The following HDAC9 variants were observed in gnomAD, a reference collection of about 807,000 sequenced individuals.
The protein encoded by HDAC9 is histone deacetylase 9.
Under a neutral mutation model 139.4 loss-of-function variants are expected in HDAC9, and 41 were observed. That is an observed-to-expected ratio of 0.29 (90% CI 0.23 to 0.38). The LOEUF (loss-of-function observed/expected upper bound fraction) is 0.38, where lower values mean the gene tolerates loss of function less well. Among genes scored for constraint, HDAC9 ranks in the 10% least tolerant of loss-of-function variants. The pLI is 1.00. For missense variants in HDAC9, 1,147 were observed against 1,297.0 expected (o/e 0.88, Z 1.78); for synonymous variants, 517 against 476.2 (o/e 1.09, Z -1.12).
intron 1 of HDAC9, among the ~76,000 whole-genome samples, chr7:18,487,098 T>C (rs1586235570): frequency 1.3e-5 from 2 of 151,992 alleles, no homozygotes; most frequent in African/African-American, 4.8e-5. Flanking sequence ...GACTTTTATA[T>C]TGGATATAAG....
Position 18,733,159 on chromosome 7 carries a change from G to A in HDAC9, c.1909+5402G>A, listed in dbSNP as rs546852904. On this transcript the variant is annotated intron_variant, in intron 13 of 25. Coordinates refer to ENST00000686413, the MANE Select transcript of HDAC9 (RefSeq NM_178425.4). ...TACACATGTATACACATATATACAC[G>A]TGTATACACATGTATATATGTGTCT... is the stretch of plus-strand genomic sequence containing the variant. 1.8e-4 allele frequency among the ~76,000 whole-genome samples: 26 copies of A among 145,244 alleles called. 1 individual carries two copies. Among genetic ancestry groups the A allele is most frequent in the Non-Finnish European group, 3.6e-4 (24 of 66,130 alleles).
At chr7:18,095,440 T>C (rs959376185) in intron 1 of HDAC9, among the ~76,000 whole-genome samples, 5 of 152,224 alleles carry the variant, frequency 3.3e-5, no homozygotes, top group African/African-American at 1.2e-4. Flanking sequence ...ATATTTAATA[T>C]ACAGGAGGAT....
intron 1 of HDAC9, among the ~76,000 whole-genome samples, chr7:18,484,634 T>A (rs1795833254): frequency 6.6e-6 from 1 of 152,176 alleles, no homozygotes; most frequent in Admixed American, 6.5e-5. Context: ...TCCTAGATTT[T>A]AGTTTCGTTT....
At position 18,829,510 on chromosome 7, in the gene HDAC9, G is replaced by A. The variant is rs760911599; in HGVS notation, c.2428G>A (p.Asp810Asn). Reference protein sequence around the residue: ...SVAITAKYLRDQLNISKILIV... With the variant: ...SVAITAKYLRNQLNISKILIV... The stretch of plus-strand genomic sequence containing the variant: ...TGCAATTACCGCCAAATACTTGAGA[G>A]ACCAACTAAATATAAGCAAGATATT... Residue 810 changes from aspartate to asparagine, a missense_variant, in exon 19 of 26, where the codon GAC becomes AAC. Physicochemically the swap from Asp to Asn is conservative, Grantham distance 23 (BLOSUM62 1). Transcript: ENST00000686413. 2 of 1,612,216 alleles carry A rather than the reference G, an allele frequency of 1.2e-6. No individual in the cohort carries two copies. Among genetic ancestry groups the A allele is most frequent in the South Asian group, 2.2e-5 (2 of 90,974 alleles).
chr7:18,594,877 T>C (rs778773997), intron 6 of HDAC9, among the ~76,000 whole-genome samples: 5 of 152,088 alleles, frequency 3.3e-5, no homozygotes, highest in Admixed American at 2.6e-4. Flanking sequence ...TGAAAAGATA[T>C]TCATGTAAGA....
intron 2 of HDAC9, among the ~76,000 whole-genome samples, chr7:18,558,396 CCAAGGTCATCTAAAAG>C (rs1819545697): frequency 6.6e-6 from 1 of 152,080 alleles, no homozygotes; most frequent in South Asian, 2.1e-4. Context: ...CTTTGTTCTG[CCAAGGTCATCTAAAAG>C]CTACACAGCA....
intron 23 of HDAC9, among the ~76,000 whole-genome samples, chr7:18,944,292 A>C (rs1240780925): frequency 6.6e-6 from 1 of 152,170 alleles, no homozygotes; most frequent in African/African-American, 2.4e-5. Context: ...GACTCTGACA[A>C]CTGAACCCTT....
intron 22 of HDAC9, among the ~76,000 whole-genome samples, chr7:18,914,529 CT>C (rs1803021144): frequency 6.6e-6 from 1 of 151,786 alleles, no homozygotes; most frequent in Admixed American, 6.6e-5. Flanking sequence ...TACATAATGC[CT>C]TTGTTTCTAA....
intron 1 of HDAC9, among the ~76,000 whole-genome samples, chr7:18,095,542 A>G (rs139742907): frequency 5.9e-5 from 9 of 152,280 alleles, no homozygotes; most frequent in African/African-American, 1.7e-4. Context: ...GAGGGCAGAG[A>G]AGGTTTGGCT....
chr7:18,581,135 C>T (rs1351421764), intron 2 of HDAC9, among the ~76,000 whole-genome samples: 5 of 152,144 alleles, frequency 3.3e-5, no homozygotes, highest in African/African-American at 1.2e-4. Flanking sequence ...ATTGCCATTT[C>T]TCTCTGAGTT....
intron 16 of HDAC9, among the ~76,000 whole-genome samples, chr7:18,784,144 TC>T (rs35997540): frequency 0.78 from 118,946 of 151,664 alleles, 47,360 homozygotes; most frequent in Non-Finnish European, 0.85. Context: ...ATTATTTGGT[TC>T]TTTGTCTCTG....
intron 6 of HDAC9, among the ~76,000 whole-genome samples, chr7:18,626,637 A>G (rs917627693): frequency 9.2e-5 from 14 of 152,196 alleles, no homozygotes; most frequent in East Asian, 1.9e-4. Flanking sequence ...AGTAGGTGGT[A>G]GATACAAGAC....
intron 1 of HDAC9, among the ~76,000 whole-genome samples, chr7:18,390,951 T>C (rs1007019151): frequency 6.6e-6 from 1 of 152,134 alleles, no homozygotes; most frequent in Non-Finnish European, 1.5e-5. Flanking sequence ...TAGCCAGGCA[T>C]GGTGGCACAC....
Position 18,207,559 on chromosome 7 carries a change from A to ATTTTTTTTTTTTTTTT in HDAC9, c.25+45213_25+45214insTTTTTTTTTTTTTTTT, listed in dbSNP as rs1584636090. Among the ~76,000 whole-genome samples, 289 of 37,340 alleles carry ATTTTTTTTTTTTTTTT rather than the reference A, an allele frequency of 7.7e-3. 2 individuals are homozygous for ATTTTTTTTTTTTTTTT. The highest frequency in any genetic ancestry group is 8.1e-3 in the Non-Finnish European group (155 of 19,184). The allele number at this position is 37,340 out of a possible 152,430, so 24.5% of individuals were successfully genotyped here. A position where few individuals can be genotyped will look rare whatever the true frequency, so the allele number is the denominator to read the frequency against. On this transcript the variant is annotated intron_variant, in intron 2 of 12. Coordinates refer to the HDAC9 transcript ENST00000417496. Reference sequence around the variant, plus strand: ...GGAGTCTTTTTTTTTTTTTTTTTTGATTTGAGCTTTCTAGCAGCCAAAACA... The same window carrying ATTTTTTTTTTTTTTTT: ...GGAGTCTTTTTTTTTTTTTTTTTTGATTTTTTTTTTTTTTTTTTTGAGCTTTCTAGCAGCCAAAACA...
chr7:18,360,499 G>C (rs181115850), intron 1 of HDAC9, among the ~76,000 whole-genome samples: 5 of 151,882 alleles, frequency 3.3e-5, no homozygotes, highest in Admixed American at 2.6e-4. Flanking sequence ...ATTTCCAGAG[G>C]CCTCTCCATT....
intron 1 of HDAC9, among the ~76,000 whole-genome samples, chr7:18,470,526 G>A (rs959697917): frequency 1.3e-5 from 2 of 152,034 alleles, no homozygotes; most frequent in Admixed American, 1.3e-4. Context: ...ACATTAGACA[G>A]CCTATGTGAG....
At chr7:18,863,651 G>A (rs1010418289) in intron 21 of HDAC9, among the ~76,000 whole-genome samples, 4 of 151,982 alleles carry the variant, frequency 2.6e-5, no homozygotes, top group African/African-American at 4.8e-5. Flanking sequence ...GTGGGAAGAA[G>A]CAATGAAAAA....
chr7:18,889,482 C>T (rs1250991003), intron 22 of HDAC9, among the ~76,000 whole-genome samples: 1 of 152,044 alleles, frequency 6.6e-6, no homozygotes, highest in Non-Finnish European at 1.5e-5. Context: ...TAAAGTCAAT[C>T]TCTTTATTTT....
In HDAC9 at chr7:18,998,427, A is replaced by G. The variant is rs1171457956; in HGVS notation, c.*2365A>G. On this transcript the variant is annotated 3_prime_UTR_variant, in exon 26 of 26. Transcript: ENST00000686413. ...TTAATCACACATACTCCCATATGAC[A>G]CCATACCCAATTGGTTGCACTTAGA... 6.6e-6 allele frequency: 1 copy of G among 152,174 alleles called. No homozygotes were observed. Among genetic ancestry groups the G allele is most frequent in the African/African-American group, 2.4e-5 (1 of 41,426 alleles). The allele number at this position is 152,174 out of a possible 1,614,324, so 9.4% of individuals were successfully genotyped here. A position where few individuals can be genotyped will look rare whatever the true frequency, so the allele number is the denominator to read the frequency against.
Sources: gnomAD v4.1 joint callset for allele counts (sites outside exome capture counted in the v4.1 genomes callset) on GRCh38, gnomAD v4.1.1 for gene constraint, MANE v1.5 for transcripts, NCBI Gene and HGNC (gene_info 2026-07-23, HGNC 2026-07-21) for gene names.